MID1: variants seen among roughly 807,000 people sequenced by gnomAD.
MID1 encodes the protein midline 1.
Under a neutral mutation model 40.4 loss-of-function variants are expected in MID1, and 7 were observed. The observed-to-expected ratio is 0.17, with a 90% CI of 0.10 to 0.33. The LOEUF is 0.33. MID1 is among the 10% of genes least tolerant of loss of function. The pLI, the probability that MID1 is intolerant of heterozygous loss-of-function variation, is 1.00. For synonymous variants in MID1, 229 were observed against 221.2 expected (o/e 1.04, Z -0.31); for missense variants, 367 against 558.5 (o/e 0.66, Z 3.46).
chrX:10,453,258 A>G (rs939722351), intron 9 of MID1, among the ~76,000 whole-genome samples: 1 of 111,784 alleles, frequency 8.9e-6, no homozygotes, highest in African/African-American at 3.3e-5. Flanking sequence ...CACTTCTTAG[A>G]TTTTTGGCTA....
chrX:10,457,499 G>A (rs980456212), intron 8 of MID1, among the ~76,000 whole-genome samples: 4 of 112,162 alleles, frequency 3.6e-5, no homozygotes, highest in African/African-American at 1.3e-4. Context: ...ATTTGTATGG[G>A]ACACGACTCT....
chrX:10,510,723 T>C (rs1932085489), intron 3 of MID1, among the ~76,000 whole-genome samples: 1 of 104,325 alleles, frequency 9.6e-6, no homozygotes, highest in African/African-American at 3.6e-5. Context: ...TCCCAGCTAC[T>C]TGGGAGGCTG....
In MID1 at chrX:10,491,274, T is replaced by C. The variant is rs368883070; in HGVS notation, c.864+4310A>G. Among the ~76,000 whole-genome samples the C allele has an allele frequency of 4.4e-5, 5 of 112,571 alleles. No individual in the cohort carries two copies. In the East Asian group the frequency reaches 1.1e-3, roughly 25 times the overall value. ...CAAAATTAGGCTGCGAGTTGTTCTT[T>C]GCTGACAGCTGTTCTTGTTTGTTTC... On this transcript the variant is annotated intron_variant, in intron 4 of 9. Coordinates refer to ENST00000317552, the MANE Select transcript of MID1 (RefSeq NM_000381.4).
At chrX:10,592,148 T>G (rs1292712090) in intron 1 of MID1, among the ~76,000 whole-genome samples, 2 of 102,447 alleles carry the variant, frequency 2.0e-5, no homozygotes, top group East Asian at 3.0e-4. Context: ...TGGCTTGTGG[T>G]GTGTGTGTGT....
intron 1 of MID1, among the ~76,000 whole-genome samples, chrX:10,580,900 G>C (rs1380296496): frequency 1.1e-5 from 1 of 90,892 alleles, no homozygotes; most frequent in African/African-American, 4.2e-5. Context: ...TCTTGGTCTA[G>C]TTTTGGGCTG....
intron 2 of MID1, among the ~76,000 whole-genome samples, chrX:10,537,349 T>C (rs1361490892): frequency 1.8e-5 from 2 of 112,104 alleles, no homozygotes; most frequent in East Asian, 5.6e-4. Flanking sequence ...AGAAAATATA[T>C]AAAGCTGAAA....
At chrX:10,672,378 C>T (rs778926847) in intron 1 of MID1, among the ~76,000 whole-genome samples, 2 of 111,789 alleles carry the variant, frequency 1.8e-5, no homozygotes, top group Non-Finnish European at 3.8e-5. Flanking sequence ...CCACATCCTT[C>T]GACATCCTTC....
intron 2 of MID1, among the ~76,000 whole-genome samples, chrX:10,533,222 C>G (rs925936921): frequency 9.2e-6 from 1 of 108,640 alleles, no homozygotes; most frequent in African/African-American, 3.4e-5. Flanking sequence ...GGACTTGTAC[C>G]TACAAAGACC....
chrX:10,752,680 C>G (rs770601719), intron 1 of MID1, among the ~76,000 whole-genome samples: 2 of 111,670 alleles, frequency 1.8e-5, no homozygotes, highest in Non-Finnish European at 3.8e-5. Context: ...GAAACTGGTA[C>G]TCAAGGGTGA....
intron 1 of MID1, among the ~76,000 whole-genome samples, chrX:10,639,806 C>T (rs747455631): frequency 1.3e-4 from 15 of 112,266 alleles, no homozygotes; most frequent in African/African-American, 4.9e-4. Flanking sequence ...ATCAGACTAA[C>T]AGCTGATCTG....
intron 3 of MID1, among the ~76,000 whole-genome samples, chrX:10,504,028 C>T (rs780840717): frequency 5.1e-4 from 57 of 111,781 alleles, no homozygotes; most frequent in Non-Finnish European, 9.0e-4. Flanking sequence ...TTGTTGATGT[C>T]GCTGTTAGTT....
intron 1 of MID1, among the ~76,000 whole-genome samples, chrX:10,823,089 T>C (rs1391071075): frequency 2.7e-5 from 3 of 111,779 alleles, no homozygotes; most frequent in African/African-American, 9.8e-5. Flanking sequence ...CCATCAATGA[T>C]AGACTGGATA....
chrX:10,478,178 G>A (rs1354762163), intron 5 of MID1, among the ~76,000 whole-genome samples: 1 of 112,157 alleles, frequency 8.9e-6, no homozygotes, highest in Non-Finnish European at 1.9e-5. Context: ...TTCATAAGCA[G>A]ACCAACTTTC....
chrX:10,737,734 C>G (rs1569159047), intron 1 of MID1, among the ~76,000 whole-genome samples: 1 of 108,748 alleles, frequency 9.2e-6, no homozygotes, highest in Non-Finnish European at 1.9e-5. Context: ...AAAGTGAAGG[C>G]TGGAGAAGAA....
intron 7 of MID1, chrX:10,460,170 G>C (rs1433929475): frequency 1.8e-5 from 5 of 275,547 alleles, no homozygotes; most frequent in Non-Finnish European, 3.3e-5. Context: ...ACAAAACCTT[G>C]AGGGTTTCTG....
chrX:10,639,728 C>T (rs1336806352), intron 1 of MID1, among the ~76,000 whole-genome samples: 6 of 110,578 alleles, frequency 5.4e-5, no homozygotes, highest in African/African-American at 6.6e-5. Flanking sequence ...TCACCATGGT[C>T]GAAATGAAGG....
chrX:10,650,490 T>G (rs1278750423), intron 1 of MID1, among the ~76,000 whole-genome samples: 2 of 111,678 alleles, frequency 1.8e-5, no homozygotes, highest in Non-Finnish European at 3.8e-5. Context: ...CCCCTGAGTT[T>G]TCATTATTGC....
chrX:10,722,566 G>T (rs1372348032), intron 1 of MID1, among the ~76,000 whole-genome samples: 1 of 112,042 alleles, frequency 8.9e-6, no homozygotes, highest in Non-Finnish European at 1.9e-5. Flanking sequence ...CTGGGTTAAT[G>T]AATATCGGCC....
intron 1 of MID1, among the ~76,000 whole-genome samples, chrX:10,631,137 A>T (rs1425339477): frequency 8.9e-6 from 1 of 112,247 alleles, no homozygotes; most frequent in Admixed American, 9.5e-5. Context: ...TCAATGCAGT[A>T]TAGCACTGTG....
Sources: allele counts gnomAD v4.1 joint callset (sites outside exome capture counted in the v4.1 genomes callset), GRCh38; gene constraint gnomAD v4.1.1; transcripts MANE v1.5; gene names NCBI Gene and HGNC (gene_info 2026-07-23, HGNC 2026-07-21).